PDE1C: variants seen among roughly 807,000 people sequenced by gnomAD.
PDE1C encodes the protein phosphodiesterase 1C.
A neutral mutation model predicts 93.1 loss-of-function variants in PDE1C; 62 were observed. That is an observed-to-expected ratio of 0.67 (90% CI 0.54 to 0.82). The LOEUF (loss-of-function observed/expected upper bound fraction) is 0.82, where lower values mean the gene tolerates loss of function less well. Ranked by LOEUF, PDE1C falls within the 40% of genes least tolerant of loss-of-function variation. The pLI is 0.00. For synonymous variants in PDE1C, 325 were observed against 310.1 expected (o/e 1.05, Z -0.50); for missense variants, 742 against 884.6 (o/e 0.84, Z 2.04).
chr7:32,114,018 T>C (rs1383232642), intron 3 of PDE1C, among the ~76,000 whole-genome samples: 4 of 152,266 alleles, frequency 2.6e-5, no homozygotes, highest in African/African-American at 7.2e-5. Flanking sequence ...TCCTCATGGA[T>C]AGGAAGAATA....
chr7:32,396,869 A>G (rs1784848374), intron 1 of PDE1C, among the ~76,000 whole-genome samples: 1 of 152,222 alleles, frequency 6.6e-6, no homozygotes, highest in South Asian at 2.1e-4. Flanking sequence ...TGGTATCTCA[A>G]ATCATTTAGA....
chr7:32,098,058 G>A lies in PDE1C; in HGVS notation c.308+71727C>T, dbSNP rs980510115. On this transcript the variant is annotated intron_variant, in intron 3 of 18. Coordinates refer to the PDE1C transcript ENST00000396193. The stretch of plus-strand genomic sequence containing the variant: ...ATCCTGGCTAACACGGTGAAACCCC[G>A]TCTCTACTAAAAATACAAAAAATTA... Among the ~76,000 whole-genome samples the A allele has an allele frequency of 1.3e-4, 20 of 149,032 alleles. 5 individuals carry two copies. The highest frequency in any genetic ancestry group is 6.6e-5 in the Admixed American group (1 of 15,038).
intron 1 of PDE1C, among the ~76,000 whole-genome samples, chr7:32,425,060 T>C (rs1785501268): frequency 1.3e-5 from 2 of 152,050 alleles, no homozygotes; most frequent in South Asian, 2.1e-4. Flanking sequence ...TCTCATAAAA[T>C]AGCATCCAGC....
chr7:31,909,027 T>G (rs1656578755), intron 2 of PDE1C, among the ~76,000 whole-genome samples: 1 of 152,186 alleles, frequency 6.6e-6, no homozygotes, highest in African/African-American at 2.4e-5. Context: ...TGGTCTCCCC[T>G]GCAGATTTCA....
chr7:32,319,761 T>C (rs1783249156), intron 1 of PDE1C, among the ~76,000 whole-genome samples: 1 of 152,190 alleles, frequency 6.6e-6, no homozygotes, highest in African/African-American at 2.4e-5. Context: ...CAGCGACCGC[T>C]CTGGGTATGA....
chr7:32,290,504 A>G (rs1411669790), intron 1 of PDE1C, among the ~76,000 whole-genome samples: 1 of 152,144 alleles, frequency 6.6e-6, no homozygotes, highest in Non-Finnish European at 1.5e-5. Flanking sequence ...CAACAACGCA[A>G]CAAAGAAGGA....
chr7:32,214,105 T>A (rs1417131222), intron 1 of PDE1C, among the ~76,000 whole-genome samples: 2 of 152,222 alleles, frequency 1.3e-5, no homozygotes, highest in African/African-American at 4.8e-5. Context: ...TATGTATATG[T>A]GTGTATGTAA....
At chr7:31,643,194 G>A in the PDE1C span, 4 of 1,613,962 alleles carry the variant, frequency 2.5e-6, no homozygotes, top group Admixed American at 1.7e-5. Flanking sequence ...CTCAAGACAA[G>A]TTCCTTCATG....
At chr7:31,763,405 T>C (rs1794952157) in intron 17 of PDE1C, among the ~76,000 whole-genome samples, 1 of 152,138 alleles carries the variant, frequency 6.6e-6, no homozygotes, top group Admixed American at 6.5e-5. Flanking sequence ...TGCTAAGGTC[T>C]GTGACAGGAA....
At chr7:32,364,916 C>G (rs540890045) in intron 1 of PDE1C, among the ~76,000 whole-genome samples, 1 of 152,326 alleles carries the variant, frequency 6.6e-6, no homozygotes, top group Non-Finnish European at 1.5e-5. Context: ...TTCCCATTAC[C>G]CTTGCTTCTA....
At chr7:31,945,970 G>A (rs747090426) in intron 2 of PDE1C, among the ~76,000 whole-genome samples, 1 of 152,032 alleles carries the variant, frequency 6.6e-6, no homozygotes, top group African/African-American at 2.4e-5. Context: ...GAACTCCAAA[G>A]ACATTCTTCA....
intron 3 of PDE1C, among the ~76,000 whole-genome samples, chr7:32,098,861 G>A (rs975607797): frequency 3.3e-5 from 5 of 152,208 alleles, no homozygotes; most frequent in Admixed American, 3.3e-4. Flanking sequence ...AAAGAAAGTA[G>A]AATGGTGGCA....
At chr7:31,656,431 G>C in the PDE1C span, 2 of 754,956 alleles carry the variant, frequency 2.6e-6, no homozygotes, top group Non-Finnish European at 3.2e-6. Flanking sequence ...TGTCCATCAC[G>C]TAGTAAGTGT....
At chr7:31,923,888 C>G (rs928764899) in intron 2 of PDE1C, among the ~76,000 whole-genome samples, 4 of 152,160 alleles carry the variant, frequency 2.6e-5, no homozygotes, top group South Asian at 4.1e-4. Context: ...TCAGCTATAT[C>G]CAAGTCCTCT....
intron 1 of PDE1C, among the ~76,000 whole-genome samples, chr7:32,380,234 T>C (rs1283870988): frequency 6.7e-6 from 1 of 149,534 alleles, no homozygotes; most frequent in Non-Finnish European, 1.5e-5. Flanking sequence ...CTCTCTCTCT[T>C]TTTTTTTTAT....
chr7:31,666,462 A>G, the PDE1C span, among the ~76,000 whole-genome samples: 1 of 152,232 alleles, frequency 6.6e-6, no homozygotes, highest in Non-Finnish European at 1.5e-5. Flanking sequence ...TTATTTTCTA[A>G]AATCACTTTG....
chr7:32,123,179 G>T (rs188507993), intron 3 of PDE1C, among the ~76,000 whole-genome samples: 1 of 152,194 alleles, frequency 6.6e-6, no homozygotes, highest in Non-Finnish European at 1.5e-5. Context: ...TCAAATTCCT[G>T]AATAGACCAA....
At chr7:31,754,601 T>A (rs925469040) in intron 17 of PDE1C, among the ~76,000 whole-genome samples, 1 of 152,216 alleles carries the variant, frequency 6.6e-6, no homozygotes, top group Non-Finnish European at 1.5e-5. Context: ...CATGAATGAA[T>A]CTTAAATACA....
In PDE1C at chr7:31,772,045, CA is replaced by C. The variant is rs34055758; in HGVS notation, c.1960+3618del. On this transcript the variant is annotated intron_variant, in intron 17 of 17. Coordinates refer to ENST00000396191, the MANE Select transcript of PDE1C (RefSeq NM_001191057.4). ...TGGGCGAAAGAGCGGGACTCCGTCT[CA>C]AAAAAAAAAAAAAAAAGAAGATATT... Among the ~76,000 whole-genome samples, 319 of 116,434 alleles carry C rather than the reference CA, an allele frequency of 2.7e-3. 2 individuals are homozygous for C. The highest frequency in any genetic ancestry group is 0.024 in the Middle Eastern group (4 of 166). The allele number at this position is 116,434 out of a possible 152,430, so 76.4% of individuals were successfully genotyped here.
Sources: allele counts gnomAD v4.1 joint callset (sites outside exome capture counted in the v4.1 genomes callset), GRCh38; gene constraint gnomAD v4.1.1; transcripts MANE v1.5; gene names NCBI Gene and HGNC (gene_info 2026-07-23, HGNC 2026-07-21).